Variants in ITGA9 observed in about 807,000 individuals in gnomAD.
ITGA9 encodes integrin subunit alpha 9, also known as integrin alpha-9.
In ITGA9, 56 loss-of-function variants were observed where a neutral mutation model predicts 127.8. The observed-to-expected ratio is 0.44, with a 90% CI of 0.35 to 0.55. The LOEUF (loss-of-function observed/expected upper bound fraction) is 0.55, where lower values mean the gene tolerates loss of function less well. Among genes scored for constraint, ITGA9 ranks in the 20% least tolerant of loss-of-function variants. ITGA9 has a pLI of 0.00. For missense variants in ITGA9, 1,196 were observed against 1,347.1 expected, an observed-to-expected ratio of 0.89 and a Z score of 1.76; for synonymous variants, 508 against 514.5, an observed-to-expected ratio of 0.99 and a Z score of 0.17.
intron 16 of ITGA9, among the ~76,000 whole-genome samples, chr3:37,652,774 C>T (rs1039784718): frequency 6.6e-6 from 1 of 152,182 alleles, no homozygotes; most frequent in Admixed American, 6.5e-5. Context: ...GCTCTTCTCT[C>T]CAAATTCCAC....
At chr3:37,569,076 A>G (rs988159663) in intron 15 of ITGA9, among the ~76,000 whole-genome samples, 2 of 152,206 alleles carry the variant, frequency 1.3e-5, no homozygotes, top group African/African-American at 4.8e-5. Context: ...CTGCTGATAG[A>G]CACTGAGACT....
chr3:37,531,427 C>T (rs1402211216), intron 13 of ITGA9, among the ~76,000 whole-genome samples: 1 of 152,170 alleles, frequency 6.6e-6, no homozygotes, highest in Non-Finnish European at 1.5e-5. Flanking sequence ...CTGTGAAGGT[C>T]CCTGTGGTCC....
intron 15 of ITGA9, among the ~76,000 whole-genome samples, chr3:37,628,225 C>A (rs1386446078): frequency 2.0e-5 from 3 of 152,176 alleles, no homozygotes; most frequent in African/African-American, 7.2e-5. Context: ...ACGTCTCAGA[C>A]TTGCCCTGCT....
intron 15 of ITGA9, among the ~76,000 whole-genome samples, chr3:37,610,879 T>C (rs573414784): frequency 2.4e-4 from 36 of 152,300 alleles, no homozygotes; most frequent in South Asian, 4.1e-4. Flanking sequence ...ATTTATTAAG[T>C]GGTTTTAATA....
chr3:37,530,096 G>A (rs1699134434), intron 13 of ITGA9, among the ~76,000 whole-genome samples: 1 of 152,206 alleles, frequency 6.6e-6, no homozygotes, highest in Admixed American at 6.5e-5. Flanking sequence ...ACAGGCTGGA[G>A]CCCCTAAGAG....
intron 14 of ITGA9, among the ~76,000 whole-genome samples, chr3:37,537,803 C>T (rs1408387437): frequency 6.6e-6 from 1 of 152,252 alleles, no homozygotes; most frequent in Non-Finnish European, 1.5e-5. Context: ...CTCACTCCGA[C>T]TGTGGGCTCC....
chr3:37,783,260 C>T (rs1377466603), intron 25 of ITGA9, among the ~76,000 whole-genome samples: 1 of 152,142 alleles, frequency 6.6e-6, no homozygotes, highest in African/African-American at 2.4e-5. Flanking sequence ...TCCTCGTCTG[C>T]TTGGCCTGTA....
intron 23 of ITGA9, among the ~76,000 whole-genome samples, chr3:37,751,870 G>A (rs1311210850): frequency 6.6e-6 from 1 of 152,156 alleles, no homozygotes; most frequent in Non-Finnish European, 1.5e-5. Flanking sequence ...TTGGCCCTAG[G>A]ATGGCCAAGT....
chr3:37,542,353 A>G, intron 14 of ITGA9, 72 bp from the exon 15 acceptor site: 1 of 1,529,106 alleles, frequency 6.5e-7, no homozygotes, highest in Non-Finnish European at 9.0e-7. Context: ...TGATCCTGTG[A>G]CAAGGAAAAG....
At chr3:37,517,408 G>A in intron 9 of ITGA9, 96 bp from the exon 10 acceptor site, 2 of 923,164 alleles carry the variant, frequency 2.2e-6, no homozygotes, top group South Asian at 2.8e-5. Context: ...TGCTCTAGCA[G>A]GGCAGCATTC....
intron 17 of ITGA9, among the ~76,000 whole-genome samples, chr3:37,674,856 G>A (rs936479780): frequency 3.3e-5 from 5 of 152,186 alleles, no homozygotes; most frequent in East Asian, 1.9e-4. Flanking sequence ...TGACAGTTAC[G>A]CAAGAAGGAA....
intron 15 of ITGA9, among the ~76,000 whole-genome samples, chr3:37,588,068 T>G (rs951039431): frequency 2.0e-5 from 3 of 152,240 alleles, no homozygotes; most frequent in African/African-American, 7.2e-5. Flanking sequence ...TACAGCCTCT[T>G]AGAAACTTGA....
intron 23 of ITGA9, among the ~76,000 whole-genome samples, chr3:37,763,832 G>C (rs373610685): frequency 6.6e-6 from 1 of 151,774 alleles, no homozygotes; most frequent in South Asian, 2.1e-4. Flanking sequence ...TTTTTTCCTC[G>C]CCTTCACCCT....
At chr3:37,517,735 G>A (rs1034295501) in intron 10 of ITGA9, 126 bp downstream of exon 10, 13 of 743,642 alleles carry the variant, frequency 1.7e-5, no homozygotes, top group Middle Eastern at 3.6e-4. Context: ...GATCCCCTTC[G>A]AAGGCCCATC....
At chr3:37,707,357 C>A (rs2125676136) in intron 18 of ITGA9, among the ~76,000 whole-genome samples, 1 of 152,334 alleles carries the variant, frequency 6.6e-6, no homozygotes, top group South Asian at 2.1e-4. Flanking sequence ...GCACCTTCAG[C>A]AGGCAAGGAA....
At chr3:37,774,373 G>A (rs1401040473) in intron 23 of ITGA9, among the ~76,000 whole-genome samples, 1 of 152,104 alleles carries the variant, frequency 6.6e-6, no homozygotes, top group Non-Finnish European at 1.5e-5. Context: ...TCAGGCTAGT[G>A]TGTTTTCCCC....
chr3:37,509,101 A>G (rs1698875323), intron 8 of ITGA9, among the ~76,000 whole-genome samples: 1 of 152,106 alleles, frequency 6.6e-6, no homozygotes, highest in Admixed American at 6.5e-5. Flanking sequence ...TTGCCACACA[A>G]AGAAAATCCA....
chr3:37,539,976 C>T (rs980333131), intron 14 of ITGA9, among the ~76,000 whole-genome samples: 1 of 152,200 alleles, frequency 6.6e-6, no homozygotes, highest in Non-Finnish European at 1.5e-5. Context: ...ATGGACAGAG[C>T]CACTAGAGAA....
intron 15 of ITGA9, among the ~76,000 whole-genome samples, chr3:37,579,890 T>C (rs1699689280): frequency 6.6e-6 from 1 of 152,194 alleles, no homozygotes; most frequent in Admixed American, 6.6e-5. Context: ...ACCATGGATA[T>C]GCAGTTATAA....
Sources: gnomAD v4.1 joint callset for allele counts (sites outside exome capture counted in the v4.1 genomes callset) on GRCh38, gnomAD v4.1.1 for gene constraint, MANE v1.5 for transcripts, NCBI Gene and HGNC (gene_info 2026-07-23, HGNC 2026-07-21) for gene names.